ARHGAP15: variants seen among roughly 807,000 people sequenced by gnomAD.
ARHGAP15 encodes rho GTPase-activating protein 15.
A neutral mutation model predicts 63.7 loss-of-function variants in ARHGAP15; 51 were observed. The ratio of observed to expected loss-of-function variants is 0.80; its 90% CI spans 0.64 to 1.01. The LOEUF (loss-of-function observed/expected upper bound fraction) is 1.01. Among genes scored for constraint, ARHGAP15 ranks in the 50% least tolerant of loss-of-function variants. The pLI is 0.00. For missense variants in ARHGAP15, 560 were observed against 564.6 expected (o/e 0.99, Z 0.08); for synonymous variants, 191 against 193.8 (o/e 0.99, Z 0.12).
intron 11 of ARHGAP15, among the ~76,000 whole-genome samples, chr2:143,587,443 A>C (rs1157354048): frequency 6.6e-6 from 1 of 152,140 alleles, no homozygotes; most frequent in African/African-American, 2.4e-5. Context: ...GAAAGAAATT[A>C]GTTCTGATGC....
At chr2:143,303,319 C>A (rs989771278) in intron 6 of ARHGAP15, among the ~76,000 whole-genome samples, 3 of 151,726 alleles carry the variant, frequency 2.0e-5, no homozygotes, top group Admixed American at 6.6e-5. Flanking sequence ...CAAGAAAAAA[C>A]CAACCCCATC....
At chr2:143,284,478 C>A (rs1248092983) in intron 6 of ARHGAP15, among the ~76,000 whole-genome samples, 1 of 152,032 alleles carries the variant, frequency 6.6e-6, no homozygotes, top group African/African-American at 2.4e-5. Flanking sequence ...AATTTGTGAC[C>A]ACTACGAAAT....
intron 5 of ARHGAP15, among the ~76,000 whole-genome samples, chr2:143,248,295 G>A (rs560110814): frequency 6.6e-6 from 1 of 152,260 alleles, no homozygotes; most frequent in South Asian, 2.1e-4. Context: ...AGATTGGGAG[G>A]TATTCCAGGT....
At chr2:143,405,122 G>C (rs1688143135) in intron 6 of ARHGAP15, among the ~76,000 whole-genome samples, 2 of 151,762 alleles carry the variant, frequency 1.3e-5, no homozygotes, top group Admixed American at 1.3e-4. Flanking sequence ...TAAATAATTT[G>C]TAATGCAAAT....
intron 4 of ARHGAP15, among the ~76,000 whole-genome samples, chr2:143,220,395 A>G (rs1228821972): frequency 6.6e-6 from 1 of 152,108 alleles, no homozygotes; most frequent in Non-Finnish European, 1.5e-5. Flanking sequence ...TTTTTAGTAG[A>G]GACCTGGGTC....
intron 7 of ARHGAP15, among the ~76,000 whole-genome samples, chr2:143,436,048 AATAAC>A (rs1406902625): frequency 3.9e-5 from 6 of 152,132 alleles, no homozygotes; most frequent in Non-Finnish European, 8.8e-5. Flanking sequence ...CCTGTAAATA[AATAAC>A]ATATTTAAGA....
chr2:143,217,740 T>C lies in ARHGAP15; in HGVS notation c.296+1295T>C. 1.3e-5 allele frequency among the ~76,000 whole-genome samples: 2 copies of C among 152,034 alleles called. 1 individual carries two copies. Among genetic ancestry groups the C allele is most frequent in the Non-Finnish European group, 2.9e-5 (2 of 67,992 alleles). On this transcript the variant is annotated intron_variant, in intron 4 of 13. Coordinates refer to ENST00000295095, the MANE Select transcript of ARHGAP15 (RefSeq NM_018460.4). Reference sequence around the variant, plus strand: ...GGAGTGTGGAGGGTACAATGATGCCTCTCCCCAAGATGAGTAAGTCATGAC... The same window carrying C: ...GGAGTGTGGAGGGTACAATGATGCCCCTCCCCAAGATGAGTAAGTCATGAC...
chr2:143,590,930 A>G (rs1355779186), intron 11 of ARHGAP15, among the ~76,000 whole-genome samples: 2 of 132,154 alleles, frequency 1.5e-5, no homozygotes, highest in Non-Finnish European at 3.4e-5. Context: ...AGTAATTAAT[A>G]CATGTATCTT....
intron 13 of ARHGAP15, among the ~76,000 whole-genome samples, chr2:143,750,090 C>T (rs1245108259): frequency 1.3e-5 from 2 of 152,184 alleles, no homozygotes; most frequent in Non-Finnish European, 2.9e-5. Flanking sequence ...TTCTAATCTC[C>T]CTTTCCATGT....
At chr2:143,728,754 C>A (rs1685399592) in intron 13 of ARHGAP15, among the ~76,000 whole-genome samples, 1 of 152,124 alleles carries the variant, frequency 6.6e-6, no homozygotes, top group African/African-American at 2.4e-5. Context: ...CCTTCAGGGA[C>A]CCCGGTCTAG....
At chr2:143,330,414 G>A (rs1389619726) in intron 6 of ARHGAP15, among the ~76,000 whole-genome samples, 2 of 152,108 alleles carry the variant, frequency 1.3e-5, no homozygotes, top group Non-Finnish European at 1.5e-5. Context: ...AAGTGGCACT[G>A]TATAAGACAA....
intron 6 of ARHGAP15, among the ~76,000 whole-genome samples, chr2:143,329,842 T>C (rs1029642550): frequency 2.7e-5 from 4 of 150,916 alleles, no homozygotes; most frequent in Admixed American, 2.6e-4. Context: ...AAACTTTCAT[T>C]GAAGCTGTGG....
chr2:143,515,377 G>C (rs1428567095), intron 9 of ARHGAP15, among the ~76,000 whole-genome samples: 1 of 152,056 alleles, frequency 6.6e-6, no homozygotes, highest in Admixed American at 6.5e-5. Context: ...TCTAGATAAG[G>C]TGTTTTAGTG....
At chr2:143,608,950 G>T (rs986984851) in intron 11 of ARHGAP15, among the ~76,000 whole-genome samples, 1 of 152,186 alleles carries the variant, frequency 6.6e-6, no homozygotes, top group Non-Finnish European at 1.5e-5. Flanking sequence ...CAGAAAAGCA[G>T]ATGCTATCTT....
intron 6 of ARHGAP15, among the ~76,000 whole-genome samples, chr2:143,385,399 CTCTT>C (rs535093374): frequency 3.3e-5 from 5 of 152,034 alleles, no homozygotes; most frequent in African/African-American, 4.8e-5. Flanking sequence ...AGTTAAAATT[CTCTT>C]TATTTCAACA....
At chr2:143,482,404 A>G (rs1438773267) in intron 8 of ARHGAP15, among the ~76,000 whole-genome samples, 3 of 152,198 alleles carry the variant, frequency 2.0e-5, no homozygotes, top group African/African-American at 7.2e-5. Flanking sequence ...CACACTGTGT[A>G]TTTTCCAGTA....
chr2:143,364,790 G>A (rs1272778827), intron 6 of ARHGAP15, among the ~76,000 whole-genome samples: 1 of 152,182 alleles, frequency 6.6e-6, no homozygotes, highest in African/African-American at 2.4e-5. Flanking sequence ...CACTTTGGGA[G>A]GCCAAGGCAG....
chr2:143,285,418 G>C (rs1682041952), intron 6 of ARHGAP15, among the ~76,000 whole-genome samples: 1 of 152,062 alleles, frequency 6.6e-6, no homozygotes, highest in Admixed American at 6.6e-5. Context: ...TAAATAATAT[G>C]AAACTTGTAC....
chr2:143,534,886 A>C (rs1042127304), intron 10 of ARHGAP15, among the ~76,000 whole-genome samples: 2 of 152,072 alleles, frequency 1.3e-5, no homozygotes, highest in African/African-American at 4.8e-5. Flanking sequence ...GTCTCAAAAA[A>C]AAAATAAAAA....
Sources: gnomAD v4.1 joint callset for allele counts (sites outside exome capture counted in the v4.1 genomes callset) on GRCh38, gnomAD v4.1.1 for gene constraint, MANE v1.5 for transcripts, NCBI Gene and HGNC (gene_info 2026-07-23, HGNC 2026-07-21) for gene names.